The following AKAP19 variants were observed in gnomAD, a reference collection of about 807,000 sequenced individuals.
The protein encoded by AKAP19 is A-kinase anchoring protein 19, also known as small A-kinase anchoring protein.
At chr2:190,146,861 T>G in the AKAP19 span, among the ~76,000 whole-genome samples, 113 of 152,352 alleles carry the variant, frequency 7.4e-4, no homozygotes, top group African/African-American at 2.6e-3. Flanking sequence ...ATTTTTTTCT[T>G]ACTGATTTGT....
At chr2:190,038,950 T>TTCC in the AKAP19 span, among the ~76,000 whole-genome samples, 2 of 147,022 alleles carry the variant, frequency 1.4e-5, no homozygotes, top group African/African-American at 5.2e-5. Flanking sequence ...CTTCTTCTTC[T>TTCC]TCTTCTTCTT....
At chr2:189,978,067 C>A in the AKAP19 span, among the ~76,000 whole-genome samples, 5 of 152,212 alleles carry the variant, frequency 3.3e-5, no homozygotes, top group East Asian at 9.7e-4. Context: ...GCTAAGCTAT[C>A]CTATTTGATA....
At chr2:189,885,138 C>G in the AKAP19 span, among the ~76,000 whole-genome samples, 1 of 152,132 alleles carries the variant, frequency 6.6e-6, no homozygotes, top group African/African-American at 2.4e-5. Flanking sequence ...GCATACCCCC[C>G]ATGAAGAGGT....
the AKAP19 span, among the ~76,000 whole-genome samples, chr2:190,146,878 T>A: frequency 6.6e-6 from 1 of 152,238 alleles, no homozygotes; most frequent in African/African-American, 2.4e-5. Flanking sequence ...TTGTTTGAGT[T>A]TATTATAGAT....
At chr2:189,986,642 C>A in the AKAP19 span, among the ~76,000 whole-genome samples, 1 of 152,126 alleles carries the variant, frequency 6.6e-6, no homozygotes, top group African/African-American at 2.4e-5. Flanking sequence ...GCTCAAATTT[C>A]TGGATTCTCT....
the AKAP19 span, among the ~76,000 whole-genome samples, chr2:189,958,542 T>TATAA: frequency 4.2e-5 from 6 of 144,474 alleles, no homozygotes; most frequent in East Asian, 7.9e-4. Flanking sequence ...TATATATATA[T>TATAA]AACATTGAAG....
chr2:189,957,518 C>T, the AKAP19 span, among the ~76,000 whole-genome samples: 3 of 152,128 alleles, frequency 2.0e-5, no homozygotes, highest in African/African-American at 7.2e-5. Flanking sequence ...CAGCTTGCCA[C>T]CAAAACCAGA....
the AKAP19 span, among the ~76,000 whole-genome samples, chr2:189,914,770 T>C: frequency 3.3e-5 from 5 of 152,112 alleles, no homozygotes; most frequent in Non-Finnish European, 7.4e-5. Context: ...AAAGGTATTG[T>C]GTGAGGCACT....
the AKAP19 span, among the ~76,000 whole-genome samples, chr2:189,903,823 C>A: frequency 6.6e-6 from 1 of 151,912 alleles, no homozygotes; most frequent in Non-Finnish European, 1.5e-5. Context: ...TCCACAGTGT[C>A]TACTGTTCCC....
chr2:189,922,343 C>T, the AKAP19 span, among the ~76,000 whole-genome samples: 7 of 152,186 alleles, frequency 4.6e-5, no homozygotes, highest in Non-Finnish European at 1.0e-4. Flanking sequence ...CTGGCTACTG[C>T]TTGCAGAATA....
At chr2:189,904,353 T>C in the AKAP19 span, among the ~76,000 whole-genome samples, 5 of 152,044 alleles carry the variant, frequency 3.3e-5, no homozygotes, top group African/African-American at 1.2e-4. Context: ...GTAAAATCCC[T>C]TTACTCTTGG....
At chr2:190,029,591 G>A in the AKAP19 span, among the ~76,000 whole-genome samples, 1 of 152,164 alleles carries the variant, frequency 6.6e-6, no homozygotes, top group Non-Finnish European at 1.5e-5. Flanking sequence ...AGGTTGGCAA[G>A]CTTTTAGTTG....
the AKAP19 span, among the ~76,000 whole-genome samples, chr2:189,894,374 G>T: frequency 4.6e-5 from 7 of 152,022 alleles, no homozygotes; most frequent in Admixed American, 3.9e-4. Context: ...ATCTGAAGTT[G>T]TTTTTCTATC....
chr2:190,142,916 T>G, the AKAP19 span, among the ~76,000 whole-genome samples: 1 of 152,122 alleles, frequency 6.6e-6, no homozygotes, highest in African/African-American at 2.4e-5. Flanking sequence ...GCTGCTACCT[T>G]TATGGGTTTC....
At chr2:190,138,400 T>C in the AKAP19 span, among the ~76,000 whole-genome samples, 1 of 152,224 alleles carries the variant, frequency 6.6e-6, no homozygotes, top group African/African-American at 2.4e-5. Context: ...GTAAGTACTA[T>C]AGCCTAATAC....
the AKAP19 span, among the ~76,000 whole-genome samples, chr2:190,136,015 G>A: frequency 1.3e-5 from 2 of 152,184 alleles, no homozygotes. Context: ...GGCATTCCAG[G>A]TGAAACAAAA....
the AKAP19 span, among the ~76,000 whole-genome samples, chr2:189,899,838 T>G: frequency 2.0e-5 from 3 of 152,322 alleles, no homozygotes; most frequent in Non-Finnish European, 2.9e-5. Flanking sequence ...TTTAGATTAA[T>G]TCATGAATTG....
chr2:190,071,527 C>G, the AKAP19 span, among the ~76,000 whole-genome samples: 1 of 152,076 alleles, frequency 6.6e-6, no homozygotes, highest in South Asian at 2.1e-4. Context: ...GTAGATTATA[C>G]CATCTGGGTT....
chr2:190,098,200 C>T, the AKAP19 span, among the ~76,000 whole-genome samples: 2,647 of 152,172 alleles, frequency 0.017, 69 homozygotes, highest in African/African-American at 0.059. Flanking sequence ...GAGGAATCAC[C>T]GTCTATGGCA....
Sources: allele counts gnomAD v4.1 joint callset (sites outside exome capture counted in the v4.1 genomes callset), GRCh38; gene constraint gnomAD v4.1.1; transcripts MANE v1.5; gene names NCBI Gene and HGNC (gene_info 2026-07-23, HGNC 2026-07-21).